Variants in HAPSTR1 observed in about 807,000 individuals in gnomAD.
HAPSTR1 encodes the protein HUWE1-associated protein modifying stress responses 1.
the HAPSTR1 span, chr16:9,103,817 G>A: frequency 1.3e-5 from 2 of 153,416 alleles, no homozygotes; most frequent in Middle Eastern, 3.4e-3. Flanking sequence ...CCAGTGGGCA[G>A]GTGGATCTCT....
the HAPSTR1 span, among the ~76,000 whole-genome samples, chr16:9,098,760 A>T: frequency 6.6e-6 from 1 of 152,204 alleles, no homozygotes; most frequent in African/African-American, 2.4e-5. Flanking sequence ...GTATTTCTTT[A>T]GAAGTGTTGC....
the HAPSTR1 span, chr16:9,112,479 C>T: frequency 6.6e-6 from 1 of 152,262 alleles, no homozygotes; most frequent in Non-Finnish European, 1.5e-5. Context: ...GCCTTGCCTT[C>T]CCTCGTGGGG....
At chr16:9,118,787 G>T in the HAPSTR1 span, 1 of 152,610 alleles carries the variant, frequency 6.6e-6, no homozygotes, top group Non-Finnish European at 1.5e-5. Context: ...GCAATGTGTT[G>T]CTCACAAGTG....
chr16:9,100,648 C>G, the HAPSTR1 span, among the ~76,000 whole-genome samples: 1 of 152,170 alleles, frequency 6.6e-6, no homozygotes, highest in Non-Finnish European at 1.5e-5. Flanking sequence ...ATTCTCCTGC[C>G]TCAGCCTCCC....
At chr16:9,100,457 T>G in the HAPSTR1 span, among the ~76,000 whole-genome samples, 4 of 152,172 alleles carry the variant, frequency 2.6e-5, no homozygotes, top group Non-Finnish European at 4.4e-5. Flanking sequence ...CCCCTTCCTT[T>G]TGGCCCTTGA....
chr16:9,099,261 AATC>A, the HAPSTR1 span, among the ~76,000 whole-genome samples: 1 of 145,480 alleles, frequency 6.9e-6, no homozygotes, highest in Non-Finnish European at 1.5e-5. Flanking sequence ...GCCATGGTGC[AATC>A]TTGGCTCATT....
At chr16:9,095,259 C>T in the HAPSTR1 span, among the ~76,000 whole-genome samples, 16 of 152,230 alleles carry the variant, frequency 1.1e-4, no homozygotes, top group Admixed American at 6.5e-4. Context: ...TCTGGATAGC[C>T]TCACACTTTT....
chr16:9,091,978 C>T, the HAPSTR1 span: 1 of 1,306,592 alleles, frequency 7.7e-7, no homozygotes. Flanking sequence ...CGACGACGCT[C>T]CCGCGGGGGC....
At chr16:9,118,084 T>C in the HAPSTR1 span, 3 of 152,636 alleles carry the variant, frequency 2.0e-5, no homozygotes, top group African/African-American at 7.2e-5. Flanking sequence ...TGAGTAAATA[T>C]AAGACCTCTT....
the HAPSTR1 span, among the ~76,000 whole-genome samples, chr16:9,100,999 T>C: frequency 1.3e-5 from 2 of 152,236 alleles, no homozygotes; most frequent in Admixed American, 6.5e-5. Flanking sequence ...ACTTCTTCAT[T>C]TACAAGCTTG....
chr16:9,112,977 G>T, the HAPSTR1 span: 1 of 146,186 alleles, frequency 6.8e-6, no homozygotes, highest in African/African-American at 2.5e-5. Flanking sequence ...TAGAAATTAA[G>T]TTGTATGCCC....
At chr16:9,095,095 A>C in the HAPSTR1 span, among the ~76,000 whole-genome samples, 253 of 152,342 alleles carry the variant, frequency 1.7e-3, 1 homozygote, top group African/African-American at 5.8e-3. Context: ...ATTATTGTAA[A>C]TGCTAGATTG....
At chr16:9,116,743 C>T in the HAPSTR1 span, 2 of 1,614,114 alleles carry the variant, frequency 1.2e-6, no homozygotes, top group Non-Finnish European at 1.7e-6. Context: ...AGCAGTGGAT[C>T]GAATGCTAGT....
At chr16:9,092,375 G>C in the HAPSTR1 span, 1 of 1,062,940 alleles carries the variant, frequency 9.4e-7, no homozygotes, top group Non-Finnish European at 1.2e-6. Flanking sequence ...GACGGCGGCG[G>C]CCTCGGGGAT....
At chr16:9,109,496 C>G in the HAPSTR1 span, 1 of 152,158 alleles carries the variant, frequency 6.6e-6, no homozygotes, top group Non-Finnish European at 1.5e-5. Flanking sequence ...TTTTAGTTCC[C>G]AAACTGATTT....
the HAPSTR1 span, among the ~76,000 whole-genome samples, chr16:9,115,515 A>G: frequency 2.0e-5 from 3 of 152,194 alleles, no homozygotes; most frequent in East Asian, 3.8e-4. Flanking sequence ...TCACAGGTTT[A>G]TCCTGAATGT....
the HAPSTR1 span, chr16:9,111,939 C>T: frequency 1.3e-5 from 2 of 152,028 alleles, no homozygotes; most frequent in South Asian, 2.1e-4. Flanking sequence ...ATTTTAACGT[C>T]GTGAGCAATT....
the HAPSTR1 span, among the ~76,000 whole-genome samples, chr16:9,114,309 C>A: frequency 1.3e-5 from 2 of 151,952 alleles, no homozygotes; most frequent in African/African-American, 4.8e-5. Context: ...GTGACACCAG[C>A]CTTTCAGGGG....
the HAPSTR1 span, among the ~76,000 whole-genome samples, chr16:9,100,309 G>C: frequency 1.3e-5 from 2 of 152,130 alleles, no homozygotes; most frequent in African/African-American, 4.8e-5. Flanking sequence ...GAGTTTTCCC[G>C]ATGTTCAAAT....
Sources: allele counts gnomAD v4.1 joint callset (sites outside exome capture counted in the v4.1 genomes callset), GRCh38; gene constraint gnomAD v4.1.1; transcripts MANE v1.5; gene names NCBI Gene and HGNC (gene_info 2026-07-23, HGNC 2026-07-21).